Variants in PLXNA2 observed in about 807,000 individuals in gnomAD.
PLXNA2 encodes the protein plexin A2.
PLXNA2 carries 91 observed loss-of-function variants against 193.5 expected under a neutral mutation model. That is an observed-to-expected ratio of 0.47 (90% CI 0.40 to 0.56). The LOEUF (loss-of-function observed/expected upper bound fraction) is 0.56. Among genes scored for constraint, PLXNA2 ranks in the 20% least tolerant of loss-of-function variants. The pLI is 0.00. For missense variants in PLXNA2, 1,995 were observed against 2,503.2 expected (o/e 0.80, Z 4.33); for synonymous variants, 997 against 1,027.3 (o/e 0.97, Z 0.56).
chr1:208,212,275 T>C (rs1244476790), intron 2 of PLXNA2, among the ~76,000 whole-genome samples: 1 of 152,220 alleles, frequency 6.6e-6, no homozygotes, highest in Non-Finnish European at 1.5e-5. Context: ...ATATGATTTT[T>C]TTTTTTAAAC....
chr1:208,188,679 A>C (rs1348037481), intron 3 of PLXNA2, among the ~76,000 whole-genome samples: 1 of 151,300 alleles, frequency 6.6e-6, no homozygotes, highest in Non-Finnish European at 1.5e-5. Context: ...ACTGCACTCC[A>C]GCCTGGGCAT....
rs1467264471 is a variant in PLXNA2, at chr1:208,029,058, G to C, written c.5226-16C>G. Reference sequence around the variant, plus strand: ...CAGAGGGAGGCTGTGGGGAAAGGCAGAGAAGACTTGAGAATGCATGCGGGC... The same window carrying C: ...CAGAGGGAGGCTGTGGGGAAAGGCACAGAAGACTTGAGAATGCATGCGGGC... On this transcript the variant is annotated splice_polypyrimidine_tract_variant and intron_variant, in intron 29 of 31. Coordinates refer to ENST00000367033, the MANE Select transcript of PLXNA2 (RefSeq NM_025179.4). 1 of 1,609,014 alleles carries C rather than the reference G, an allele frequency of 6.2e-7. No individual in the cohort carries two copies. The highest frequency in any genetic ancestry group is 8.5e-7 in the Non-Finnish European group (1 of 1,175,246).
chr1:208,059,535 G>A (rs1035154365), intron 13 of PLXNA2, among the ~76,000 whole-genome samples: 2 of 152,174 alleles, frequency 1.3e-5, no homozygotes, highest in South Asian at 2.1e-4. Flanking sequence ...ACACTGATTC[G>A]TGGAATTTCA....
chr1:208,040,413 C>T (rs1481019360), intron 22 of PLXNA2: 1 of 258,538 alleles, frequency 3.9e-6, no homozygotes, highest in Non-Finnish European at 7.4e-6. Flanking sequence ...CACTTCTGGC[C>T]TCAGGGTGAT....
intron 3 of PLXNA2, 75 bp from the exon 4 acceptor site, chr1:208,142,538 C>T (rs1668488318): frequency 7.0e-7 from 1 of 1,423,410 alleles, no homozygotes; most frequent in Non-Finnish European, 9.3e-7. Flanking sequence ...CTGCCCAGAG[C>T]AGGTAGCTTA....
chr1:208,068,693 C>A (rs377260081), intron 12 of PLXNA2, among the ~76,000 whole-genome samples: 1 of 152,226 alleles, frequency 6.6e-6, no homozygotes, highest in African/African-American at 2.4e-5. Flanking sequence ...TTGTCACACA[C>A]GCCATTAACC....
intron 4 of PLXNA2, among the ~76,000 whole-genome samples, chr1:208,139,209 C>G (rs751158060): frequency 3.3e-5 from 5 of 152,162 alleles, no homozygotes; most frequent in Non-Finnish European, 7.3e-5. Flanking sequence ...CTGAAAGAGA[C>G]TTTAGAGTTA....
At chr1:208,108,515 A>C (rs1171668253) in intron 4 of PLXNA2, among the ~76,000 whole-genome samples, 1 of 152,136 alleles carries the variant, frequency 6.6e-6, no homozygotes, top group Non-Finnish European at 1.5e-5. Context: ...TCAACACTGC[A>C]TCTCTGCCAC....
chr1:208,108,640 C>T (rs761239149), intron 4 of PLXNA2, among the ~76,000 whole-genome samples: 17 of 152,278 alleles, frequency 1.1e-4, no homozygotes, highest in Middle Eastern at 6.8e-3. Context: ...TGGATCATGC[C>T]GGAGGCCCAT....
At chr1:208,034,680 G>T (rs1664617540) in intron 26 of PLXNA2, 88 bp from the exon 27 acceptor site, 2 of 808,298 alleles carry the variant, frequency 2.5e-6, no homozygotes, top group Non-Finnish European at 4.3e-6. Flanking sequence ...AGGGTTATAA[G>T]ATAGCTGTGG....
At position 208,027,007 on chromosome 1, in the gene PLXNA2, C is replaced by G. The variant is rs900571705; in HGVS notation, c.*236G>C. 9 of 438,126 alleles carry G rather than the reference C, an allele frequency of 2.1e-5. No homozygotes were observed. The highest frequency in any genetic ancestry group is 4.1e-6 in the Non-Finnish European group (1 of 242,376). 27.1% of individuals were successfully genotyped at this position (438,126 alleles called of 1,614,324 possible). ...TTGAAGAACCACCTTCTCCCGGCCC[C>G]GGGTTCTCTGGTGTTCTCACTGAGG... On this transcript the variant is annotated 3_prime_UTR_variant, in exon 32 of 32. Coordinates refer to ENST00000367033, the MANE Select transcript of PLXNA2 (RefSeq NM_025179.4).
chr1:208,229,825 G>A (rs1671631961), intron 1 of PLXNA2, among the ~76,000 whole-genome samples: 1 of 152,218 alleles, frequency 6.6e-6, no homozygotes, highest in Non-Finnish European at 1.5e-5. Flanking sequence ...AATATAAAGT[G>A]ATGAACAGAG....
chr1:208,119,971 G>A (rs923481495), intron 4 of PLXNA2, among the ~76,000 whole-genome samples: 5 of 152,216 alleles, frequency 3.3e-5, no homozygotes, highest in Non-Finnish European at 4.4e-5. Context: ...GTCCAGAACC[G>A]GAGGGAGGTG....
chr1:208,243,416 C>A (rs1050499082), intron 1 of PLXNA2, among the ~76,000 whole-genome samples: 3 of 151,944 alleles, frequency 2.0e-5, no homozygotes, highest in Non-Finnish European at 4.4e-5. Flanking sequence ...AAGCCCTCGG[C>A]GGGAGGCAGC....
At chr1:208,062,381 C>A (rs569070023) in intron 12 of PLXNA2, among the ~76,000 whole-genome samples, 2 of 152,224 alleles carry the variant, frequency 1.3e-5, no homozygotes, top group Non-Finnish European at 1.5e-5. Flanking sequence ...AATTCAGCCA[C>A]CAACCACCAA....
At chr1:208,098,432 CCT>C (rs200790325) in intron 6 of PLXNA2, among the ~76,000 whole-genome samples, 2,061 of 137,252 alleles carry the variant, frequency 0.015, 25 homozygotes, top group African/African-American at 0.038. Flanking sequence ...CTTATTCTTT[CCT>C]CTCTCTCTCT....
intron 8 of PLXNA2, among the ~76,000 whole-genome samples, chr1:208,093,570 C>A (rs904997849): frequency 9.2e-5 from 14 of 152,138 alleles, no homozygotes; most frequent in Admixed American, 6.5e-4. Flanking sequence ...TATTGTCAAG[C>A]GCTTAAATTA....
At chr1:208,118,254 C>A (rs1397180273) in intron 4 of PLXNA2, among the ~76,000 whole-genome samples, 5 of 152,174 alleles carry the variant, frequency 3.3e-5, no homozygotes, top group Non-Finnish European at 7.3e-5. Flanking sequence ...GGACACCAAT[C>A]CTCAGATGGT....
At position 208,038,199 on chromosome 1, in the gene PLXNA2, C is replaced by CTCAGTAAT. The variant is rs1309626837; in HGVS notation, c.4764+164_4764+171dup. 4.6e-5 allele frequency among the ~76,000 whole-genome samples: 7 copies of CTCAGTAAT among 152,136 alleles called. No homozygotes were observed. Among genetic ancestry groups the CTCAGTAAT allele is most frequent in the African/African-American group, 1.7e-4 (7 of 41,426 alleles). ...GTCACTCACGTTTTTTATCAGTTCC[C>CTCAGTAAT]TCAGTAATTCCAATGGGCAGCCATG... On this transcript the variant is annotated intron_variant, in intron 26 of 31. Transcript: ENST00000367033. This position sits in a 1 kb window ranked among gnomAD's most constrained non-coding sequence, Gnocchi z 4.1.
Sources: allele counts gnomAD v4.1 joint callset (sites outside exome capture counted in the v4.1 genomes callset), GRCh38; gene constraint gnomAD v4.1.1; non-coding constraint Gnocchi (gnomAD v3.1); transcripts MANE v1.5; gene names NCBI Gene and HGNC (gene_info 2026-07-23, HGNC 2026-07-21).